Variants in NCKAP5L observed in about 807,000 individuals in gnomAD.
The protein encoded by NCKAP5L is nck-associated protein 5-like.
Under a neutral mutation model 103.2 loss-of-function variants are expected in NCKAP5L, and 54 were observed. The observed-to-expected ratio is 0.52, with a 90% CI of 0.42 to 0.66. The LOEUF is 0.66. Ranked by LOEUF, NCKAP5L falls within the 30% of genes least tolerant of loss-of-function variation. NCKAP5L has a pLI of 0.00. For synonymous variants in NCKAP5L, 762 were observed against 748.6 expected, an observed-to-expected ratio of 1.02 and a Z score of -0.29; for missense variants, 1,733 against 1,750.6, an observed-to-expected ratio of 0.99 and a Z score of 0.18.
At chr12:49,801,163 C>T (rs1946114157) in intron 6 of NCKAP5L, among the ~76,000 whole-genome samples, 1 of 152,192 alleles carries the variant, frequency 6.6e-6, no homozygotes, top group Non-Finnish European at 1.5e-5. Flanking sequence ...GCACACCCCC[C>T]TCCCCCATAC....
At chr12:49,816,291 T>A (rs1028372144) in intron 1 of NCKAP5L, among the ~76,000 whole-genome samples, 18 of 151,940 alleles carry the variant, frequency 1.2e-4, no homozygotes, top group African/African-American at 4.4e-4. Context: ...CCTGCAGAAC[T>A]GGTGATCTCC....
Position 49,796,628 on chromosome 12 carries a change from C to T in NCKAP5L, c.1232G>A (p.Gly411Asp), listed in dbSNP as rs920005118. 6.3e-7 allele frequency: 1 copy of T among 1,592,958 alleles called. No individual in the cohort carries two copies. Among genetic ancestry groups the T allele is most frequent in the Non-Finnish European group, 8.5e-7 (1 of 1,170,632 alleles). ...GPLPFLSMFM[G>D]AGDAPLGSRP... ...AGAGCCCAGTGGGGCATCCCCAGCA[C>T]CCATGAACATGCTAAGGAAGGGGAG... Residue 411 changes from glycine (G) to aspartate (D), a missense_variant, in exon 8 of 13, where the codon GGT becomes GAT. Coordinates refer to ENST00000335999, the MANE Select transcript of NCKAP5L (RefSeq NM_001037806.4).
At chr12:49,824,247 C>T (rs1290919291) in intron 1 of NCKAP5L, among the ~76,000 whole-genome samples, 1 of 152,264 alleles carries the variant, frequency 6.6e-6, no homozygotes, top group Admixed American at 6.5e-5. Flanking sequence ...GGCACCTCCA[C>T]ATCTATACAG....
chr12:49,823,586 C>A (rs1357888193), intron 1 of NCKAP5L, among the ~76,000 whole-genome samples: 1 of 152,006 alleles, frequency 6.6e-6, no homozygotes, highest in African/African-American at 2.4e-5. Flanking sequence ...TCACTCAAGC[C>A]CTGCAGGCAA....
At position 49,811,840 on chromosome 12, in the gene NCKAP5L, A is replaced by C. The variant is rs564965570; in HGVS notation, c.-98-5799T>G. 5.3e-5 allele frequency among the ~76,000 whole-genome samples: 8 copies of C among 152,328 alleles called. No individual in the cohort carries two copies. In the South Asian group the frequency reaches 1.4e-3, roughly 28 times the overall value. ...TCCCAGATACTGCCAAATTTCAAAA[A>C]ATACTCTAGATACTTCAAAGCCAAA... is the stretch of plus-strand genomic sequence containing the variant. On this transcript the variant is annotated intron_variant, in intron 1 of 12. Transcript: ENST00000335999.
chr12:49,802,130 T>C (rs1160091155), intron 5 of NCKAP5L, 163 bp from the exon 6 acceptor site: 1 of 742,106 alleles, frequency 1.3e-6, no homozygotes, highest in Non-Finnish European at 2.1e-6. Context: ...AGCCTGCCGA[T>C]GTTGGTAGCT....
intron 6 of NCKAP5L, among the ~76,000 whole-genome samples, chr12:49,801,055 G>GC (rs1286407710): frequency 6.6e-6 from 1 of 152,186 alleles, no homozygotes; most frequent in African/African-American, 2.4e-5. Flanking sequence ...ACAAGGGGCC[G>GC]CCTCTGCAAG....
At chr12:49,826,520 G>C (rs1946418139) in intron 1 of NCKAP5L, among the ~76,000 whole-genome samples, 1 of 152,140 alleles carries the variant, frequency 6.6e-6, no homozygotes, top group Admixed American at 6.6e-5. Flanking sequence ...GCAATTTAAA[G>C]CACACCCAAC....
At chr12:49,793,696 G>A in intron 9 of NCKAP5L, 38 bp downstream of exon 9, 3 of 1,513,928 alleles carry the variant, frequency 2.0e-6, no homozygotes, top group Non-Finnish European at 2.7e-6. Flanking sequence ...GGGCCAGAGA[G>A]CCAGGCCGTC....
At position 49,796,849 on chromosome 12, in the gene NCKAP5L, A is replaced by G; in HGVS notation, c.1011T>C (p.Ser337=). The G allele has an allele frequency of 6.2e-7, 1 of 1,613,026 alleles. No homozygotes were observed. The highest frequency in any genetic ancestry group is 8.5e-7 in the Non-Finnish European group (1 of 1,179,742). Residue 337 remains serine, a synonymous_variant, in exon 8 of 13, where the codon TCT becomes TCC. Coordinates refer to ENST00000335999, the MANE Select transcript of NCKAP5L (RefSeq NM_001037806.4). Reference sequence around the variant, plus strand: ...CCCCGGCCAGGAAGGCCTGTAGGTAAGACTCTGTGTCCTCAAGGAGCTGGC... The same window carrying G: ...CCCCGGCCAGGAAGGCCTGTAGGTAGGACTCTGTGTCCTCAAGGAGCTGGC... ...NLGQLLEDTE[S]YLQAFLAGAA...
intron 6 of NCKAP5L, among the ~76,000 whole-genome samples, chr12:49,800,640 A>G (rs1251621784): frequency 1.3e-5 from 2 of 152,222 alleles, no homozygotes; most frequent in Non-Finnish European, 1.5e-5. Flanking sequence ...AGAAAAAACT[A>G]TAGTCTGTAA....
rs1233746389 is a variant in NCKAP5L at position 49,796,888 on chromosome 12, T to C, written c.972A>G (p.Arg324=). The C allele has an allele frequency of 1.9e-6, 3 of 1,611,758 alleles. No individual in the cohort carries two copies. In the Admixed American group the frequency reaches 5.0e-5, roughly 27 times the overall value. ...CAAGGAGCTGGCCCAGGTTCAACTG[T>C]CTGCGGGCCAGGGCACCGAGCAGGG... The part of the protein sequence containing the change: ...PDTLLGALAR[R]QLNLGQLLED... The change falls in exon 8 of 13, where the codon AGA becomes AGG. Residue 324 remains arginine, a synonymous_variant. Coordinates refer to ENST00000335999, the MANE Select transcript of NCKAP5L (RefSeq NM_001037806.4).
chr12:49,804,149 G>T, intron 2 of NCKAP5L, 69 bp from the exon 3 acceptor site: 2 of 1,474,276 alleles, frequency 1.4e-6, no homozygotes, highest in Non-Finnish European at 1.8e-6. Flanking sequence ...TCTCCTTGGA[G>T]CTTAGGTCAG....
chr12:49,806,718 C>G (rs1203239162), intron 1 of NCKAP5L, among the ~76,000 whole-genome samples: 1 of 152,258 alleles, frequency 6.6e-6, no homozygotes, highest in Admixed American at 6.5e-5. Flanking sequence ...GTAAGCTCCA[C>G]AGTAAAACAG....
rs961065728 is a variant in NCKAP5L, at chr12:49,794,863, G to C, written c.2997C>G (p.Gly999=). 2.0e-6 allele frequency: 3 copies of C among 1,500,928 alleles called. No homozygotes were observed. Among genetic ancestry groups the C allele is most frequent in the African/African-American group, 2.8e-5 (2 of 70,994 alleles). The allele number at this position is 1,500,928 out of a possible 1,614,324, so 93.0% of individuals were successfully genotyped here. ...GCCCCGTGTTGGGCCCTGGGGCTGGGCCACCAGGCCGTGGCCGGGCCCGGC... is the reference window on the plus strand; with the variant it reads ...GCCCCGTGTTGGGCCCTGGGGCTGGCCCACCAGGCCGTGGCCGGGCCCGGC... ...LSSRARPRPG[G]PAPGPNTGLG... The change falls in exon 8 of 13, where the codon GGC becomes GGG. Residue 999 remains glycine (G), a synonymous_variant. Transcript: ENST00000335999.
chr12:49,792,328 AG>A lies in NCKAP5L; in HGVS notation c.3792+117del. 1 of 1,541,062 alleles carries A rather than the reference AG, an allele frequency of 6.5e-7. No homozygotes were observed. The highest frequency in any genetic ancestry group is 8.8e-7 in the Non-Finnish European group (1 of 1,142,606). On this transcript the variant is annotated intron_variant, in intron 12 of 12. Coordinates refer to ENST00000335999, the MANE Select transcript of NCKAP5L (RefSeq NM_001037806.4). This position sits in a 1 kb window ranked among gnomAD's most constrained non-coding sequence, Gnocchi z 4.5. ...GGCATCCCAGGGGTCCTCCTCCCAG[AG>A]GGTGCAGCACTGAGACTGTGCGACA...
chr12:49,794,741 T>C (rs1754082466), intron 8 of NCKAP5L, 24 bp downstream of exon 8: 1 of 1,453,724 alleles, frequency 6.9e-7, no homozygotes, highest in Non-Finnish European at 9.1e-7. Flanking sequence ...ACCAAGCCCC[T>C]GTTGACTGAT....
At position 49,794,867 on chromosome 12, in the gene NCKAP5L, C is replaced by T; in HGVS notation, c.2993G>A (p.Gly998Asp). The T allele has an allele frequency of 1.3e-6, 2 of 1,501,848 alleles. No individual in the cohort carries two copies. The highest frequency in any genetic ancestry group is 1.3e-5 in the South Asian group (1 of 75,276). The allele number at this position is 1,501,848 out of a possible 1,614,324, so 93.0% of individuals were successfully genotyped here. The change falls in exon 8 of 13, where the codon GGT (glycine) becomes GAT (aspartate). Residue 998 changes from glycine (G) to aspartate (D), a missense_variant. Transcript: ENST00000335999. ...YLSSRARPRP[G>D]GPAPGPNTGL... ...CGTGTTGGGCCCTGGGGCTGGGCCA[C>T]CAGGCCGTGGCCGGGCCCGGCTGCT...
In NCKAP5L at chr12:49,797,543, G is replaced by A; in HGVS notation, c.466-149C>T. On this transcript the variant is annotated intron_variant, in intron 7 of 12. Coordinates refer to ENST00000335999, the MANE Select transcript of NCKAP5L (RefSeq NM_001037806.4). The surrounding 1 kb of genome is among the most constrained non-coding windows in gnomAD (Gnocchi z 4.5). ...TCCCCAAAAGGAATTAACAGCAACT[G>A]GGATATGATGGTTCCGCTTCCTCAA... is the stretch of plus-strand genomic sequence containing the variant. 1.6e-6 allele frequency: 1 copy of A among 635,242 alleles called. No homozygotes were observed. The allele number at this position is 635,242 out of a possible 1,614,324, so 39.4% of individuals were successfully genotyped here. A position where few individuals can be genotyped will look rare whatever the true frequency, so the allele number is the denominator to read the frequency against.
Sources: gnomAD v4.1 joint callset for allele counts (sites outside exome capture counted in the v4.1 genomes callset) on GRCh38, gnomAD v4.1.1 for gene constraint, Gnocchi (gnomAD v3.1) non-coding constraint, MANE v1.5 for transcripts, NCBI Gene and HGNC (gene_info 2026-07-23, HGNC 2026-07-21) for gene names.